The following IL22RA1 variants were observed in gnomAD, a reference collection of about 807,000 sequenced individuals.
IL22RA1 encodes the protein interleukin-22 receptor subunit alpha-1.
Under a neutral mutation model 32.8 loss-of-function variants are expected in IL22RA1, and 25 were observed. The observed-to-expected ratio is 0.76, with a 90% CI of 0.55 to 1.06. The LOEUF is 1.06. Ranked by LOEUF, IL22RA1 falls within the 50% of genes least tolerant of loss-of-function variation. The pLI is 0.00. For synonymous variants in IL22RA1, 305 were observed against 305.0 expected (o/e 1.00, Z 0.00); for missense variants, 709 against 727.4 (o/e 0.97, Z 0.29).
chr1:24,132,135 G>A (rs146125435), intron 4 of IL22RA1, among the ~76,000 whole-genome samples: 135 of 152,110 alleles, frequency 8.9e-4, no homozygotes, highest in African/African-American at 3.1e-3. Flanking sequence ...ATCTCCCGGG[G>A]TCCCTCCACG....
intron 4 of IL22RA1, among the ~76,000 whole-genome samples, chr1:24,128,942 T>C (rs889092696): frequency 1.3e-5 from 2 of 152,190 alleles, no homozygotes; most frequent in Non-Finnish European, 1.5e-5. Flanking sequence ...CAGTCCAGAC[T>C]CATTTGTCTC....
At chr1:24,140,537 C>T (rs1409718512) in intron 1 of IL22RA1, among the ~76,000 whole-genome samples, 1 of 152,206 alleles carries the variant, frequency 6.6e-6, no homozygotes, top group African/African-American at 2.4e-5. Context: ...CCACAGCCCT[C>T]TCTTCCAGGC....
chr1:24,121,660 G>A lies in IL22RA1; in HGVS notation c.870C>T (p.Ser290=), dbSNP rs552534149. ...CAGGCTGGGCCAGACTGCTGGGGCC[G>A]CTGAGGTCAAAGACAGGGATCAGGA... The part of the protein sequence containing the change: ...EHVLIPVFDL[S]GPSSLAQPVQ... The change falls in exon 7 of 7, where the codon AGC becomes AGT. Residue 290 remains serine (S), a synonymous_variant. Transcript: ENST00000270800. 5.5e-5 allele frequency: 89 copies of A among 1,607,464 alleles called. No individual in the cohort carries two copies. In the East Asian group the frequency reaches 7.6e-4, roughly 14 times the overall value.
At chr1:24,141,951 C>T (rs1644284129) in intron 1 of IL22RA1, among the ~76,000 whole-genome samples, 1 of 152,166 alleles carries the variant, frequency 6.6e-6, no homozygotes, top group Admixed American at 6.5e-5. Context: ...GGGGTGAGGG[C>T]CCGGTGTGTG....
intron 1 of IL22RA1, among the ~76,000 whole-genome samples, chr1:24,141,135 G>A (rs1392791843): frequency 6.6e-6 from 1 of 152,262 alleles, no homozygotes; most frequent in Non-Finnish European, 1.5e-5. Flanking sequence ...TCCCCAGAAT[G>A]GGGCCTTAGG....
chr1:24,140,749 A>G (rs537080634), intron 1 of IL22RA1, among the ~76,000 whole-genome samples: 104 of 152,352 alleles, frequency 6.8e-4, no homozygotes, highest in Admixed American at 3.3e-3. Context: ...ATGGCGGCCC[A>G]AGCTGGCAGC....
At chr1:24,123,278 T>C (rs1301314589) in intron 6 of IL22RA1, 24 bp downstream of exon 6, 1 of 1,609,636 alleles carries the variant, frequency 6.2e-7, no homozygotes, top group Non-Finnish European at 8.5e-7. Context: ...GACCTCTCCC[T>C]CCCACCCTGG....
chr1:24,122,213 T>C (rs1464589473), intron 6 of IL22RA1, among the ~76,000 whole-genome samples: 1 of 152,198 alleles, frequency 6.6e-6, no homozygotes. Flanking sequence ...AGAGCTCCTC[T>C]GTCCCTCCGA....
intron 1 of IL22RA1, among the ~76,000 whole-genome samples, chr1:24,139,544 TG>T (rs1405104220): frequency 6.6e-6 from 1 of 152,210 alleles, no homozygotes; most frequent in Admixed American, 6.5e-5. Context: ...ACCATTTTTT[TG>T]GTCTTTGAGA....
chr1:24,129,639 C>T (rs79689721), intron 4 of IL22RA1, among the ~76,000 whole-genome samples: 11 of 152,242 alleles, frequency 7.2e-5, no homozygotes, highest in East Asian at 1.9e-4. Flanking sequence ...CCTGTGTTCT[C>T]GGGAGTTCAA....
intron 1 of IL22RA1, among the ~76,000 whole-genome samples, chr1:24,140,907 A>T (rs1445907617): frequency 6.6e-6 from 1 of 152,224 alleles, no homozygotes; most frequent in Non-Finnish European, 1.5e-5. Context: ...CACGTCTACG[A>T]CTGCCAGTGG....
chr1:24,126,755 G>C (rs1485304085), intron 5 of IL22RA1, among the ~76,000 whole-genome samples: 1 of 152,100 alleles, frequency 6.6e-6, no homozygotes, highest in Non-Finnish European at 1.5e-5. Flanking sequence ...GCAGCTCTGA[G>C]CAATACAACG....
intron 5 of IL22RA1, 133 bp downstream of exon 5, chr1:24,128,008 C>T: frequency 2.3e-6 from 2 of 862,990 alleles, no homozygotes; most frequent in South Asian, 5.0e-5. Context: ...AGATTGACTT[C>T]AATAACACAC....
At chr1:24,121,766 C>A in intron 6 of IL22RA1, 29 bp from the exon 7 acceptor site, 1 of 1,449,026 alleles carries the variant, frequency 6.9e-7, no homozygotes. Flanking sequence ...AGTCACCCCC[C>A]TGTGGTTAGG....
intron 1 of IL22RA1, among the ~76,000 whole-genome samples, chr1:24,141,890 T>C (rs1644283459): frequency 1.3e-5 from 2 of 151,978 alleles, no homozygotes; most frequent in African/African-American, 2.4e-5. Flanking sequence ...TAAGGAAAAA[T>C]ACACAAACAA....
intron 4 of IL22RA1, among the ~76,000 whole-genome samples, chr1:24,130,222 G>A (rs1176703911): frequency 6.6e-6 from 1 of 151,724 alleles, no homozygotes; most frequent in African/African-American, 2.4e-5. Context: ...GCAGACCTCA[G>A]TCTACACCCT....
chr1:24,128,676 A>G (rs1644182209), intron 4 of IL22RA1, among the ~76,000 whole-genome samples: 1 of 151,980 alleles, frequency 6.6e-6, no homozygotes. Flanking sequence ...AACATCATAA[A>G]CTTTTTGAAC....
At chr1:24,127,189 A>C (rs1323714758) in intron 5 of IL22RA1, among the ~76,000 whole-genome samples, 1 of 152,076 alleles carries the variant, frequency 6.6e-6, no homozygotes, top group African/African-American at 2.4e-5. Flanking sequence ...TGTCTCAAAA[A>C]CAAAAAACAA....
At chr1:24,142,877 C>T (rs145016067) in intron 1 of IL22RA1, among the ~76,000 whole-genome samples, 163 bp downstream of exon 1, 2,487 of 152,336 alleles carry the variant, frequency 0.016, 55 homozygotes, top group South Asian at 0.061. Flanking sequence ...GCAAACTAAG[C>T]TGGGCATTTG....
Sources: allele counts gnomAD v4.1 joint callset (sites outside exome capture counted in the v4.1 genomes callset), GRCh38; gene constraint gnomAD v4.1.1; transcripts MANE v1.5; gene names NCBI Gene and HGNC (gene_info 2026-07-23, HGNC 2026-07-21).